Variants in PCDHGA7 observed in about 807,000 individuals in gnomAD.
PCDHGA7 encodes the protein protocadherin gamma subfamily A, 7, also known as protocadherin gamma-A7.
A neutral mutation model predicts 58.3 loss-of-function variants in PCDHGA7; 44 were observed. The observed-to-expected ratio is 0.75, with a 90% CI of 0.59 to 0.97. The LOEUF is 0.97. Ranked by LOEUF, PCDHGA7 falls within the 50% of genes least tolerant of loss-of-function variation. PCDHGA7 has a pLI of 0.00. For missense variants in PCDHGA7, 1,266 were observed against 1,188.7 expected, an observed-to-expected ratio of 1.06 and a Z score of -0.96; for synonymous variants, 516 against 504.2, an observed-to-expected ratio of 1.02 and a Z score of -0.31.
chr5:141,477,901 C>T lies in PCDHGA7; in HGVS notation c.2425-16906C>T, dbSNP rs2099423750. ...GCCACCTAGTGTCACGGGTGGTAGG[C>T]TGGGACGCGGATGCAGGGCACAATG... On this transcript the variant is annotated intron_variant, in intron 1 of 3. Transcript: ENST00000518325. The surrounding 1 kb of genome is among the most constrained non-coding windows in gnomAD (Gnocchi z 4.9). The T allele has an allele frequency of 1.9e-6, 3 of 1,614,188 alleles. No homozygotes were observed. The highest frequency in any genetic ancestry group is 2.5e-6 in the Non-Finnish European group (3 of 1,180,042).
chr5:141,432,686 G>A lies in PCDHGA7; in HGVS notation c.2424+47363G>A. On this transcript the variant is annotated intron_variant, in intron 1 of 3. Transcript: ENST00000518325. The surrounding 1 kb of genome is among the most constrained non-coding windows in gnomAD (Gnocchi z 6.0). The stretch of plus-strand genomic sequence containing the variant: ...CAGAGACGCGCTCAAGCAGAGCCTC[G>A]TAGTGGCCGTCCAGGACCACGGCCA... 2 of 1,613,922 alleles carry A rather than the reference G, an allele frequency of 1.2e-6. No homozygotes were observed. The highest frequency in any genetic ancestry group is 1.7e-5 in the Admixed American group (1 of 60,020).
intron 1 of PCDHGA7, chr5:141,391,631 G>C (rs913626630): frequency 6.6e-6 from 1 of 152,170 alleles, no homozygotes; most frequent in African/African-American, 2.4e-5. Flanking sequence ...GAAAGTTTTA[G>C]TCAGTGAAAA....
chr5:141,494,546 G>T (rs984336435), intron 1 of PCDHGA7, among the ~76,000 whole-genome samples: 1 of 152,152 alleles, frequency 6.6e-6, no homozygotes, highest in African/African-American at 2.4e-5. Context: ...GGAGGAAGGG[G>T]CCATTTCTTT....
chr5:141,447,864 T>A (rs2098553913), intron 1 of PCDHGA7, among the ~76,000 whole-genome samples: 1 of 152,098 alleles, frequency 6.6e-6, no homozygotes, highest in Non-Finnish European at 1.5e-5. Context: ...GGTGGGTGAA[T>A]CATCTGAGGT....
chr5:141,427,928 G>A (rs1178662640), intron 1 of PCDHGA7: 2 of 1,583,504 alleles, frequency 1.3e-6, no homozygotes. Flanking sequence ...GCCGGCGCAT[G>A]TTGGTGGGCG....
At chr5:141,439,432 A>C (rs537630916) in intron 1 of PCDHGA7, among the ~76,000 whole-genome samples, 1 of 152,326 alleles carries the variant, frequency 6.6e-6, no homozygotes, top group African/African-American at 2.4e-5. Flanking sequence ...AATTCCCAGG[A>C]ATATTTTATT....
chr5:141,420,301 CT>C, intron 1 of PCDHGA7: 1 of 1,462,308 alleles, frequency 6.8e-7, no homozygotes, highest in Non-Finnish European at 9.2e-7. Flanking sequence ...GTATTTAATC[CT>C]TTTTATATTA....
intron 1 of PCDHGA7, chr5:141,427,791 G>T (rs763294539): frequency 1.3e-6 from 2 of 1,488,082 alleles, no homozygotes; most frequent in South Asian, 1.1e-5. Context: ...GTCGTCCTAC[G>T]TGTCCGTGAG....
At chr5:141,454,789 G>T (rs1368681394) in intron 1 of PCDHGA7, among the ~76,000 whole-genome samples, 1 of 129,576 alleles carries the variant, frequency 7.7e-6, no homozygotes, top group African/African-American at 3.1e-5. Flanking sequence ...AATCCTCCAT[G>T]GTTCTAATTT....
chr5:141,427,265 C>G (rs767369457), intron 1 of PCDHGA7: 1 of 456,688 alleles, frequency 2.2e-6, no homozygotes, highest in Non-Finnish European at 4.4e-6. Context: ...GCATGACCAG[C>G]GAATGTAAAA....
intron 3 of PCDHGA7, among the ~76,000 whole-genome samples, chr5:141,510,415 C>G (rs2099881071): frequency 6.6e-6 from 1 of 152,082 alleles, no homozygotes; most frequent in Admixed American, 6.5e-5. Flanking sequence ...GCATGTAAAG[C>G]CATGGTTTCA....
chr5:141,441,772 TG>T, intron 1 of PCDHGA7: 1 of 388,268 alleles, frequency 2.6e-6, no homozygotes, highest in South Asian at 2.0e-5. Flanking sequence ...CGCGTGTTGG[TG>T]GACGACCTGA....
chr5:141,408,043 A>G, intron 1 of PCDHGA7: 1 of 1,220,238 alleles, frequency 8.2e-7, no homozygotes, highest in Non-Finnish European at 1.1e-6. Context: ...ACCAGCTCCC[A>G]CACAGAGCCT....
chr5:141,419,451 C>T (rs747887064), intron 1 of PCDHGA7: 2 of 1,612,796 alleles, frequency 1.2e-6, no homozygotes, highest in Non-Finnish European at 8.5e-7. Flanking sequence ...TTCGAGCTCA[C>T]GCTGCAGGCC....
At chr5:141,430,140 A>C (rs1295602149) in intron 1 of PCDHGA7, among the ~76,000 whole-genome samples, 1 of 152,202 alleles carries the variant, frequency 6.6e-6, no homozygotes, top group Non-Finnish European at 1.5e-5. Context: ...CCTTCCATTC[A>C]GGATCATTCA....
rs113648128 is a variant in PCDHGA7, at chr5:141,491,811, C to T, written c.2425-2996C>T. ...CACTCCTCTCCGGCCGGCTTGGTCG[C>T]TGGCTGCGCTCCACCCGATTCTCGG... On this transcript the variant is annotated intron_variant, in intron 1 of 3. Transcript: ENST00000518325. The surrounding 1 kb of genome is among the most constrained non-coding windows in gnomAD (Gnocchi z 6.9). 6.7e-7 allele frequency: 1 copy of T among 1,487,262 alleles called. No homozygotes were observed. The highest frequency in any genetic ancestry group is 1.4e-5 in the African/African-American group (1 of 70,544). 92.1% of individuals were successfully genotyped at this position (1,487,262 alleles called of 1,614,324 possible).
rs2154591305 is a variant in PCDHGA7, at chr5:141,493,879, G to A, written c.2425-928G>A. Among the ~76,000 whole-genome samples the A allele has an allele frequency of 6.6e-6, 1 of 152,288 alleles. No homozygotes were observed. The highest frequency in any genetic ancestry group is 6.5e-5 in the Admixed American group (1 of 15,302). ...CCCACCCCAGAACCAGTGAGGAGGT[G>A]GCTCTAGGAGTGCTCCATGAGAGTG... On this transcript the variant is annotated intron_variant, in intron 1 of 3. Coordinates refer to ENST00000518325, the MANE Select transcript of PCDHGA7 (RefSeq NM_018920.4). This position sits in a 1 kb window ranked among gnomAD's most constrained non-coding sequence, Gnocchi z 4.3.
At chr5:141,394,797 G>A (rs551668843) in intron 1 of PCDHGA7, 2 of 1,613,798 alleles carry the variant, frequency 1.2e-6, no homozygotes, top group Admixed American at 1.7e-5. Flanking sequence ...CACGCTCACC[G>A]TAGCCGTGGC....
intron 1 of PCDHGA7, among the ~76,000 whole-genome samples, chr5:141,446,664 G>A (rs116573282): frequency 0.012 from 1,821 of 152,192 alleles, 38 homozygotes; most frequent in African/African-American, 0.042. Context: ...TTTAGTACAA[G>A]ACAGCATTTC....
Sources: allele counts gnomAD v4.1 joint callset (sites outside exome capture counted in the v4.1 genomes callset), GRCh38; gene constraint gnomAD v4.1.1; non-coding constraint Gnocchi (gnomAD v3.1); transcripts MANE v1.5; gene names NCBI Gene and HGNC (gene_info 2026-07-23, HGNC 2026-07-21).